ERC2: variants seen among roughly 807,000 people sequenced by gnomAD.
ERC2 encodes ERC protein 2.
Under a neutral mutation model 114.8 loss-of-function variants are expected in ERC2, and 42 were observed. That is an observed-to-expected ratio of 0.37 (90% confidence interval 0.29 to 0.47). The LOEUF is 0.47. Among genes scored for constraint, ERC2 ranks in the 20% least tolerant of loss-of-function variants. The probability of loss-of-function intolerance (pLI) is 0.99; values close to 1 mark genes in which losing one functional copy is unlikely to be tolerated. For synonymous variants in ERC2, 454 were observed against 425.5 expected, an observed-to-expected ratio of 1.07 and a Z score of -0.82; for missense variants, 939 against 1,150.7, an observed-to-expected ratio of 0.82 and a Z score of 2.66.
intron 16 of ERC2, among the ~76,000 whole-genome samples, chr3:55,685,979 C>G (rs185560916): frequency 3.9e-5 from 6 of 152,258 alleles, no homozygotes; most frequent in Admixed American, 3.3e-4. Flanking sequence ...CCACTGCCAC[C>G]AAAACCTACT....
At chr3:56,023,050 G>A (rs979349722) in intron 7 of ERC2, among the ~76,000 whole-genome samples, 25 of 152,114 alleles carry the variant, frequency 1.6e-4, no homozygotes, top group African/African-American at 5.8e-4. Flanking sequence ...AATTAATGGG[G>A]TCCTTAACTC....
rs182069010 is a variant in ERC2 at position 56,199,072 on chromosome 3, G to A, written c.1075-25552C>T. Reference sequence around the variant, plus strand: ...CTGTGCTAAGGACTAAAGAAACCACGGTAAACAAGAAAGACATGGTACCTA... The same window carrying A: ...CTGTGCTAAGGACTAAAGAAACCACAGTAAACAAGAAAGACATGGTACCTA... On this transcript the variant is annotated intron_variant, in intron 3 of 17. Coordinates refer to ENST00000288221, the MANE Select transcript of ERC2 (RefSeq NM_015576.3). Among the ~76,000 whole-genome samples, 7 of 152,208 alleles carry A rather than the reference G, an allele frequency of 4.6e-5. No homozygotes were observed. The East Asian group carries it at 5.8e-4, about 13-fold the overall frequency.
chr3:56,099,443 T>C (rs1041610117), intron 6 of ERC2, among the ~76,000 whole-genome samples: 18 of 152,340 alleles, frequency 1.2e-4, no homozygotes, highest in African/African-American at 4.3e-4. Context: ...ACACCGTCCC[T>C]GCATTTCAGA....
At position 56,338,972 on chromosome 3, in the gene ERC2, G is replaced by C. The variant is rs141602379; in HGVS notation, c.658-42537C>G. On this transcript the variant is annotated intron_variant, in intron 2 of 17. Transcript: ENST00000288221. Reference sequence around the variant, plus strand: ...GACAAGTGCCTGAGAATGGTGCCTTGCATCAAGAGTAGCAAAGGCCAGCAA... The same window carrying C: ...GACAAGTGCCTGAGAATGGTGCCTTCCATCAAGAGTAGCAAAGGCCAGCAA... 6.3e-4 allele frequency among the ~76,000 whole-genome samples: 96 copies of C among 152,288 alleles called. No homozygotes were observed. In the East Asian group the frequency reaches 8.9e-3, roughly 14 times the overall value.
At chr3:55,844,169 T>A (rs1460742458) in intron 14 of ERC2, among the ~76,000 whole-genome samples, 1 of 152,218 alleles carries the variant, frequency 6.6e-6, no homozygotes, top group Non-Finnish European at 1.5e-5. Flanking sequence ...GTTGAAAGGT[T>A]GAACATATGC....
At chr3:55,822,963 CCTT>C (rs746357537) in intron 14 of ERC2, among the ~76,000 whole-genome samples, 1 of 152,104 alleles carries the variant, frequency 6.6e-6, no homozygotes, top group Admixed American at 6.6e-5. Flanking sequence ...ATGGCAAACC[CCTT>C]CTTCTTTTTC....
chr3:56,457,014 A>G (rs1577052901), intron 1 of ERC2, among the ~76,000 whole-genome samples: 1 of 152,360 alleles, frequency 6.6e-6, no homozygotes, highest in Admixed American at 6.5e-5. Context: ...TCTAGCCCAT[A>G]ACTCCCAATC....
chr3:56,433,001 T>A (rs1345246681), intron 2 of ERC2, among the ~76,000 whole-genome samples: 2 of 151,986 alleles, frequency 1.3e-5, no homozygotes, highest in Non-Finnish European at 2.9e-5. Flanking sequence ...TAGCAAGACC[T>A]TGTCTCTACA....
chr3:56,372,924 T>C (rs897739956), intron 2 of ERC2, among the ~76,000 whole-genome samples: 1 of 152,148 alleles, frequency 6.6e-6, no homozygotes, highest in Non-Finnish European at 1.5e-5. Context: ...TAATAACAAA[T>C]ACATACAAGA....
intron 6 of ERC2, among the ~76,000 whole-genome samples, chr3:56,110,705 T>C (rs1241323014): frequency 6.6e-6 from 1 of 152,194 alleles, no homozygotes; most frequent in African/African-American, 2.4e-5. Flanking sequence ...AAATTATTTT[T>C]GGAAAATGGC....
intron 13 of ERC2, among the ~76,000 whole-genome samples, chr3:55,929,656 G>A (rs867235309): frequency 2.0e-5 from 3 of 152,358 alleles, no homozygotes; most frequent in Admixed American, 6.5e-5. Context: ...TCACGTGTCT[G>A]ACTGTAATCC....
chr3:56,108,386 G>A (rs1482041484), intron 6 of ERC2, among the ~76,000 whole-genome samples: 2 of 151,954 alleles, frequency 1.3e-5, no homozygotes, highest in African/African-American at 2.4e-5. Context: ...AGTAGAAATA[G>A]TGACAACAAA....
At chr3:56,111,323 CT>C (rs2078950515) in intron 6 of ERC2, among the ~76,000 whole-genome samples, 1 of 142,056 alleles carries the variant, frequency 7.0e-6, no homozygotes, top group Non-Finnish European at 1.5e-5. Flanking sequence ...CTCTTTCTCT[CT>C]CTCTCTCTCA....
intron 17 of ERC2, among the ~76,000 whole-genome samples, chr3:55,537,068 C>T (rs766166366): frequency 1.9e-4 from 29 of 152,360 alleles, no homozygotes; most frequent in Non-Finnish European, 3.5e-4. Context: ...TCCCAAGTCA[C>T]AGCCTTTAAT....
At chr3:55,622,412 T>C (rs578144520) in intron 17 of ERC2, among the ~76,000 whole-genome samples, 2 of 152,270 alleles carry the variant, frequency 1.3e-5, no homozygotes, top group African/African-American at 4.8e-5. Context: ...TCCTTGTGTT[T>C]CTAATGATGA....
At chr3:55,981,031 C>T (rs7620770) in intron 12 of ERC2, among the ~76,000 whole-genome samples, 258 of 152,318 alleles carry the variant, frequency 1.7e-3, no homozygotes, top group African/African-American at 4.4e-3. Context: ...TTCTATAAAT[C>T]GGAGCTGGCT....
At chr3:56,356,993 A>C (rs138691732) in intron 2 of ERC2, among the ~76,000 whole-genome samples, 111 of 152,354 alleles carry the variant, frequency 7.3e-4, no homozygotes, top group African/African-American at 2.6e-3. Context: ...GAGTTTAGGC[A>C]TGAAATCAGG....
chr3:56,142,642 T>C (rs929147093), intron 5 of ERC2, among the ~76,000 whole-genome samples: 2 of 152,146 alleles, frequency 1.3e-5, no homozygotes, highest in Non-Finnish European at 2.9e-5. Context: ...TGTTCTTTAT[T>C]CATATTTTCA....
chr3:55,671,616 G>A (rs1275630722), intron 17 of ERC2, among the ~76,000 whole-genome samples: 2 of 152,138 alleles, frequency 1.3e-5, no homozygotes, highest in African/African-American at 4.8e-5. Context: ...GTAAGCACTT[G>A]GCAAAACATA....
Sources: gnomAD v4.1 joint callset for allele counts (sites outside exome capture counted in the v4.1 genomes callset) on GRCh38, gnomAD v4.1.1 for gene constraint, MANE v1.5 for transcripts, NCBI Gene and HGNC (gene_info 2026-07-23, HGNC 2026-07-21) for gene names.